ASCC3: variants seen among roughly 807,000 people sequenced by gnomAD.
ASCC3 encodes ASC-1 complex subunit P200.
Under a neutral mutation model 256.3 loss-of-function variants are expected in ASCC3, and 158 were observed. The observed-to-expected ratio is 0.62, with a 90% CI of 0.54 to 0.70. The LOEUF (loss-of-function observed/expected upper bound fraction) is 0.70, where lower values mean the gene tolerates loss of function less well. Among genes scored for constraint, ASCC3 ranks in the 30% least tolerant of loss-of-function variants. ASCC3 has a pLI of 0.00. For synonymous variants in ASCC3, 948 were observed against 883.4 expected, an observed-to-expected ratio of 1.07 and a Z score of -1.30; for missense variants, 2,259 against 2,626.0, an observed-to-expected ratio of 0.86 and a Z score of 3.05.
intron 13 of ASCC3, among the ~76,000 whole-genome samples, chr6:100,703,627 AT>A (rs1778445810): frequency 6.6e-6 from 1 of 151,906 alleles, no homozygotes; most frequent in African/African-American, 2.4e-5. Context: ...TCTTTGATAA[AT>A]TTTCATTATA....
At chr6:100,806,015 A>C in intron 4 of ASCC3, 135 bp from the exon 5 acceptor site, 1 of 773,328 alleles carries the variant, frequency 1.3e-6, no homozygotes, top group Non-Finnish European at 2.0e-6. Flanking sequence ...TAAAAATGGT[A>C]CCTTAAACTA....
intron 13 of ASCC3, among the ~76,000 whole-genome samples, chr6:100,683,985 T>G (rs188457108): frequency 1.1e-4 from 16 of 152,244 alleles, no homozygotes; most frequent in Non-Finnish European, 1.3e-4. Context: ...AAATTTGAGT[T>G]CTGGTCCTGT....
In ASCC3 at chr6:100,771,866, GTTTTTTTTTTT is replaced by G. The variant is rs57465763; in HGVS notation, c.1396-4532_1396-4522del. Among the ~76,000 whole-genome samples the G allele has an allele frequency of 1.1e-3, 99 of 91,840 alleles. 1 individual carries two copies. The highest frequency in any genetic ancestry group is 4.5e-3 in the African/African-American group (96 of 21,492). 60.3% of individuals were successfully genotyped at this position (91,840 alleles called of 152,430 possible). On this transcript the variant is annotated intron_variant, in intron 8 of 41. Coordinates refer to ENST00000369162, the MANE Select transcript of ASCC3 (RefSeq NM_006828.4). ...ATCACTTTAATAAAACAATCTGCAA[GTTTTTTTTTTT>G]TTTTTTTTTTTTTTTTTTGAGATGG...
rs1416119281 is a variant in ASCC3 at position 100,608,084 on chromosome 6, A to ATATCGATATACACATATATATG, written c.4786-997_4786-996insCATATATATGTGTATATCGATA. ...CACATATATATACATATATATGTATATATATCTATATACACATATATATGT... is the reference window on the plus strand; with the variant it reads ...CACATATATATACATATATATGTATATATCGATATACACATATATATGTATATCTATATACACATATATATGT... On this transcript the variant is annotated intron_variant, in intron 30 of 41. Coordinates refer to ENST00000369162, the MANE Select transcript of ASCC3 (RefSeq NM_006828.4). Among the ~76,000 whole-genome samples, 24 of 129,540 alleles carry ATATCGATATACACATATATATG rather than the reference A, an allele frequency of 1.9e-4. 1 individual carries two copies. The East Asian group carries it at 4.8e-3, about 26-fold the overall frequency. The allele number at this position is 129,540 out of a possible 152,430, so 85.0% of individuals were successfully genotyped here. A position where few individuals can be genotyped will look rare whatever the true frequency, so the allele number is the denominator to read the frequency against.
intron 25 of ASCC3, 81 bp downstream of exon 25, chr6:100,638,520 C>G: frequency 8.4e-7 from 1 of 1,195,800 alleles, no homozygotes; most frequent in South Asian, 1.4e-5. Flanking sequence ...TTAGACCCTG[C>G]CAATATATTT....
At chr6:100,673,344 A>G (rs1300944868) in intron 14 of ASCC3, among the ~76,000 whole-genome samples, 1 of 152,144 alleles carries the variant, frequency 6.6e-6, no homozygotes. Flanking sequence ...CTAGGAATTT[A>G]TAACATTATT....
rs1211281640 is a variant in ASCC3, at chr6:100,647,397, G to A, written c.3307C>T (p.Pro1103Ser). Residue 1103 changes from proline (P) to serine (S), a missense_variant, in exon 21 of 42, where the codon CCT becomes TCT. By Grantham distance (74) the Pro-to-Ser change is moderately conservative. This residue lies in a region of ASCC3 where 1,839 missense variants were observed against 2,206.7 expected (regional missense o/e 0.83). Coordinates refer to ENST00000369162, the MANE Select transcript of ASCC3 (RefSeq NM_006828.4). ...LFEIALRKRW[P>S]TMTYRLLNLS... Reference sequence around the variant, plus strand: ...TTCAGGAGCCTGTAGGTCATGGTAGGCCAACGTTTCCTCAGAGCAATTTCA... The same window carrying A: ...TTCAGGAGCCTGTAGGTCATGGTAGACCAACGTTTCCTCAGAGCAATTTCA... 1.2e-6 allele frequency: 2 copies of A among 1,614,002 alleles called. No homozygotes were observed. Among genetic ancestry groups the A allele is most frequent in the Non-Finnish European group, 8.5e-7 (1 of 1,179,970 alleles).
chr6:100,779,941 G>C (rs997459955), intron 8 of ASCC3, among the ~76,000 whole-genome samples: 2 of 151,802 alleles, frequency 1.3e-5, no homozygotes, highest in African/African-American at 2.4e-5. Flanking sequence ...TACATATTAA[G>C]AAACAAACAA....
chr6:100,613,290 C>A (rs955074900), intron 30 of ASCC3, among the ~76,000 whole-genome samples: 11 of 151,834 alleles, frequency 7.2e-5, no homozygotes, highest in Admixed American at 7.2e-4. Flanking sequence ...GTATATTATT[C>A]CTCTCCATCC....
rs1246246724 is a variant in ASCC3 at position 100,704,740 on chromosome 6, C to CT, written c.2151+10721dup. 4.0e-5 allele frequency among the ~76,000 whole-genome samples: 6 copies of CT among 151,882 alleles called. No homozygotes were observed. In the East Asian group the frequency reaches 1.2e-3, roughly 29 times the overall value. On this transcript the variant is annotated intron_variant, in intron 13 of 41. Coordinates refer to ENST00000369162, the MANE Select transcript of ASCC3 (RefSeq NM_006828.4). ...AGCATTAATCCAAGGTTGAAGAAGA[C>CT]TTTTTTTGTCTTTAGTATCACAAGG...
chr6:100,558,751 C>T (rs116142363), intron 36 of ASCC3, among the ~76,000 whole-genome samples: 2,500 of 152,220 alleles, frequency 0.016, 60 homozygotes, highest in African/African-American at 0.057. Flanking sequence ...TAACACTGCT[C>T]TAGGCTTCTT....
rs368499702 is a variant in ASCC3, at chr6:100,799,524, C to T, written c.1176G>A (p.Gln392=). Residue 392 remains glutamine (Q), a synonymous_variant, in exon 7 of 42, where the codon CAG becomes CAA. Coordinates refer to ENST00000369162, the MANE Select transcript of ASCC3 (RefSeq NM_006828.4). Reference sequence around the variant, plus strand: ...GTATTTTTTCAACGTCTGCATCTCTCTGCCTGCTCAGAATTGGAACACTTC... The same window carrying T: ...GTATTTTTTCAACGTCTGCATCTCTTTGCCTGCTCAGAATTGGAACACTTC... The part of the protein sequence containing the change: ...NARSVPILSR[Q]RDADVEKIHY... The T allele has an allele frequency of 6.2e-7, 1 of 1,612,920 alleles. No individual in the cohort carries two copies. The highest frequency in any genetic ancestry group is 1.3e-5 in the African/African-American group (1 of 74,876).
chr6:100,536,548 C>T (rs1416875278), intron 37 of ASCC3, among the ~76,000 whole-genome samples: 2 of 152,146 alleles, frequency 1.3e-5, no homozygotes, highest in Non-Finnish European at 2.9e-5. Flanking sequence ...GTGGCTTGAT[C>T]ATGGCTCATT....
At chr6:100,862,027 G>A (rs1414041468) in intron 3 of ASCC3, among the ~76,000 whole-genome samples, 1 of 152,038 alleles carries the variant, frequency 6.6e-6, no homozygotes, top group African/African-American at 2.4e-5. Flanking sequence ...TAAAGAAGAG[G>A]AAGGACACTC....
At chr6:100,513,925 T>C (rs978040788) in intron 39 of ASCC3, among the ~76,000 whole-genome samples, 1 of 151,826 alleles carries the variant, frequency 6.6e-6, no homozygotes, top group African/African-American at 2.4e-5. Flanking sequence ...TTTTTTTTAA[T>C]CAGTTGTTAC....
At chr6:100,571,256 G>A (rs1770578211) in intron 36 of ASCC3, among the ~76,000 whole-genome samples, 1 of 152,100 alleles carries the variant, frequency 6.6e-6, no homozygotes, top group Non-Finnish European at 1.5e-5. Context: ...TCTTCCCCAA[G>A]GCTTTCTCAT....
chr6:100,511,727 A>G (rs1381312956), intron 40 of ASCC3, among the ~76,000 whole-genome samples: 3 of 152,156 alleles, frequency 2.0e-5, no homozygotes, highest in East Asian at 3.9e-4. Flanking sequence ...AAAAAAGCTC[A>G]TACTAAAGCC....
intron 1 of ASCC3, among the ~76,000 whole-genome samples, chr6:100,875,876 C>T (rs9377240): frequency 0.35 from 52,405 of 151,710 alleles, 10,652 homozygotes; most frequent in Middle Eastern, 0.49. Flanking sequence ...AACAAACAAA[C>T]AAAAAACCCT....
At chr6:100,785,874 A>T (rs191162603) in intron 8 of ASCC3, among the ~76,000 whole-genome samples, 2 of 152,294 alleles carry the variant, frequency 1.3e-5, no homozygotes, top group Non-Finnish European at 2.9e-5. Context: ...TAAAATGATA[A>T]ATAAGATGTT....
Sources: allele counts gnomAD v4.1 joint callset (sites outside exome capture counted in the v4.1 genomes callset), GRCh38; gene constraint gnomAD v4.1.1; regional missense constraint gnomAD v4.1.1; transcripts MANE v1.5; gene names NCBI Gene and HGNC (gene_info 2026-07-23, HGNC 2026-07-21).